The following DYNC1I1 variants were observed in gnomAD, a reference collection of about 807,000 sequenced individuals.
DYNC1I1 encodes cytoplasmic dynein 1 intermediate chain 1.
Under a neutral mutation model 86.6 loss-of-function variants are expected in DYNC1I1, and 43 were observed. The observed-to-expected ratio is 0.50, with a 90% CI of 0.39 to 0.64. The LOEUF (loss-of-function observed/expected upper bound fraction) is 0.64. Ranked by LOEUF, DYNC1I1 falls within the 30% of genes least tolerant of loss-of-function variation. The probability of loss-of-function intolerance (pLI) is 0.00; values close to 1 mark genes in which losing one functional copy is unlikely to be tolerated. For synonymous variants in DYNC1I1, 262 were observed against 283.7 expected (o/e 0.92, Z 0.77); for missense variants, 604 against 788.8 (o/e 0.77, Z 2.81).
intron 1 of DYNC1I1, among the ~76,000 whole-genome samples, chr7:95,776,519 G>GA (rs979831853): frequency 6.6e-6 from 1 of 152,116 alleles, no homozygotes; most frequent in Non-Finnish European, 1.5e-5. Context: ...GTTTTCTAGG[G>GA]AAAAAATGGG....
chr7:96,067,618 T>C (rs78526963), intron 14 of DYNC1I1, among the ~76,000 whole-genome samples: 9,253 of 152,096 alleles, frequency 0.061, 450 homozygotes, highest in African/African-American at 0.14. Context: ...TTCATACATT[T>C]ATCCACCAAC....
At chr7:95,984,751 T>C (rs1793541583) in intron 7 of DYNC1I1, 64 bp from the exon 8 acceptor site, 1 of 1,494,388 alleles carries the variant, frequency 6.7e-7, no homozygotes, top group East Asian at 2.4e-5. Flanking sequence ...TTCCTCTTGA[T>C]AAGTTTTAAT....
At chr7:96,064,830 A>G (rs1277008254) in intron 14 of DYNC1I1, among the ~76,000 whole-genome samples, 1 of 152,146 alleles carries the variant, frequency 6.6e-6, no homozygotes, top group African/African-American at 2.4e-5. Context: ...TCCATTTGCC[A>G]GATTGTATGC....
At chr7:95,790,819 T>G (rs1794282140) in intron 1 of DYNC1I1, among the ~76,000 whole-genome samples, 1 of 152,250 alleles carries the variant, frequency 6.6e-6, no homozygotes, top group African/African-American at 2.4e-5. Context: ...GTTTGAATCC[T>G]GGATCTTCAC....
intron 14 of DYNC1I1, among the ~76,000 whole-genome samples, chr7:96,054,228 C>T (rs1342815996): frequency 3.9e-5 from 6 of 152,220 alleles, no homozygotes; most frequent in African/African-American, 1.4e-4. Flanking sequence ...TGAGTGAGAA[C>T]ATGCGGTGTT....
chr7:96,050,469 A>T (rs1252489462), intron 14 of DYNC1I1, among the ~76,000 whole-genome samples: 1 of 152,216 alleles, frequency 6.6e-6, no homozygotes, highest in Non-Finnish European at 1.5e-5. Context: ...TCTCTTTGTG[A>T]TTTGAATAGT....
intron 6 of DYNC1I1, among the ~76,000 whole-genome samples, chr7:95,952,624 G>A (rs1260252217): frequency 1.3e-5 from 2 of 151,996 alleles, no homozygotes; most frequent in East Asian, 1.9e-4. Context: ...GTGCTTTTAC[G>A]CCATCCTCCC....
At chr7:95,992,364 G>A (rs914326039) in intron 9 of DYNC1I1, among the ~76,000 whole-genome samples, 4 of 152,138 alleles carry the variant, frequency 2.6e-5, no homozygotes, top group African/African-American at 9.7e-5. Flanking sequence ...GGGGACACTT[G>A]AGGCATGCCA....
chr7:95,869,952 C>G lies in DYNC1I1; in HGVS notation c.444C>G (p.Ser148=), dbSNP rs1790118970. The change falls in exon 6 of 17, where the codon TCC becomes TCG. Residue 148 remains serine (S), a synonymous_variant. Transcript: ENST00000447467. The part of the protein sequence containing the change: ...QVDFLPREVV[S]YSKETQTPLA... ...ATTTCCTGCCAAGGGAAGTAGTGTC[C>G]TACTCAAAGGAGACCCAGACTCCTC... is the stretch of plus-strand genomic sequence containing the variant. The G allele has an allele frequency of 1.9e-6, 3 of 1,613,970 alleles. No homozygotes were observed. The South Asian group carries it at 3.3e-5, about 18-fold the overall frequency.
chr7:95,984,989 G>A lies in DYNC1I1; in HGVS notation c.743+12G>A. On this transcript the variant is annotated intron_variant, in intron 8 of 16. Coordinates refer to ENST00000447467, the MANE Select transcript of DYNC1I1 (RefSeq NM_001135556.2). ...GAGGAAAAAGATGGGTTAGTCTCTTGTGTGCATTCTTTAAAAAATAGCGTA... is the reference window on the plus strand; with the variant it reads ...GAGGAAAAAGATGGGTTAGTCTCTTATGTGCATTCTTTAAAAAATAGCGTA... 1.2e-6 allele frequency: 2 copies of A among 1,606,618 alleles called. No individual in the cohort carries two copies. Among genetic ancestry groups the A allele is most frequent in the Admixed American group, 1.7e-5 (1 of 58,256 alleles).
intron 6 of DYNC1I1, among the ~76,000 whole-genome samples, chr7:95,905,886 C>T (rs1384349251): frequency 2.0e-5 from 3 of 152,120 alleles, no homozygotes; most frequent in Non-Finnish European, 2.9e-5. Flanking sequence ...TATAGTCATT[C>T]ATTTCAATAT....
intron 14 of DYNC1I1, among the ~76,000 whole-genome samples, chr7:96,061,692 TCC>T (rs1366457174): frequency 3.4e-4 from 43 of 125,612 alleles, no homozygotes; most frequent in African/African-American, 1.3e-3. Flanking sequence ...CCTCCCTCCC[TCC>T]CTCTCTCTCT....
At position 95,909,587 on chromosome 7, in the gene DYNC1I1, A is replaced by T. The variant is rs188596311; in HGVS notation, c.490+39589A>T. ...AGAGAAGGACCTGGCAGAAGGAATG[A>T]GGGTGAAGCTGGAGTGACTTTTATA... is the stretch of plus-strand genomic sequence containing the variant. On this transcript the variant is annotated intron_variant, in intron 6 of 16. Coordinates refer to ENST00000447467, the MANE Select transcript of DYNC1I1 (RefSeq NM_001135556.2). Among the ~76,000 whole-genome samples, 11 of 152,286 alleles carry T rather than the reference A, an allele frequency of 7.2e-5. No homozygotes were observed. The South Asian group carries it at 2.3e-3, about 32-fold the overall frequency.
chr7:96,075,909 A>G lies in DYNC1I1; in HGVS notation c.1510-148A>G, dbSNP rs190654659. On this transcript the variant is annotated intron_variant, in intron 14 of 16. Transcript: ENST00000447467. ...TATGCCACTGGACAGTTCTAGTCAC[A>G]TTAAAGCTCCGGTTCACCTTCTCGA... 1.2e-3 allele frequency: 1,333 copies of G among 1,128,044 alleles called. 3 individuals are homozygous for G. The highest frequency in any genetic ancestry group is 2.2e-3 in the Admixed American group (90 of 41,492). 69.9% of individuals were successfully genotyped at this position (1,128,044 alleles called of 1,614,324 possible). A position where few individuals can be genotyped will look rare whatever the true frequency, so the allele number is the denominator to read the frequency against.
intron 10 of DYNC1I1, among the ~76,000 whole-genome samples, chr7:96,007,560 G>A (rs1051441304): frequency 5.3e-5 from 8 of 152,142 alleles, no homozygotes; most frequent in African/African-American, 1.7e-4. Flanking sequence ...TGCAAAATTC[G>A]GAGATAGCAA....
In DYNC1I1 at chr7:96,026,434, G is replaced by GT. The variant is rs561079578; in HGVS notation, c.970-1741_970-1740insT. ...AAAGAGGTCATAGGTTTTTTTTTGGGGTTTTTTTGTTACTACTTTGCTGGT... is the reference window on the plus strand; with the variant it reads ...AAAGAGGTCATAGGTTTTTTTTTGGGTGTTTTTTTGTTACTACTTTGCTGGT... On this transcript the variant is annotated intron_variant, in intron 10 of 16. Transcript: ENST00000447467. Among the ~76,000 whole-genome samples the GT allele has an allele frequency of 2.8e-3, 418 of 150,760 alleles. 1 individual carries two copies. The highest frequency in any genetic ancestry group is 4.0e-3 in the Non-Finnish European group (270 of 67,642).
intron 6 of DYNC1I1, among the ~76,000 whole-genome samples, chr7:95,975,892 G>A (rs1232715606): frequency 6.6e-6 from 1 of 152,172 alleles, no homozygotes; most frequent in Non-Finnish European, 1.5e-5. Flanking sequence ...TAGACTTTGT[G>A]TTTAGTCCTT....
At chr7:95,811,362 C>T (rs2115833534) in intron 3 of DYNC1I1, among the ~76,000 whole-genome samples, 1 of 152,094 alleles carries the variant, frequency 6.6e-6, no homozygotes, top group East Asian at 1.9e-4. Flanking sequence ...ATACAGTATT[C>T]AGATCTTTTG....
chr7:95,928,141 T>C (rs1562946511), intron 6 of DYNC1I1, among the ~76,000 whole-genome samples: 1 of 152,216 alleles, frequency 6.6e-6, no homozygotes, highest in Non-Finnish European at 1.5e-5. Flanking sequence ...GCCTCCCAAC[T>C]AGTACTGCCT....
Sources: gnomAD v4.1 joint callset for allele counts (sites outside exome capture counted in the v4.1 genomes callset) on GRCh38, gnomAD v4.1.1 for gene constraint, MANE v1.5 for transcripts, NCBI Gene and HGNC (gene_info 2026-07-23, HGNC 2026-07-21) for gene names.